Variants in ARID3A observed in about 807,000 individuals in gnomAD.
ARID3A encodes the protein AT-rich interactive domain-containing protein 3A.
Under a neutral mutation model 52.7 loss-of-function variants are expected in ARID3A, and 11 were observed. That is an observed-to-expected ratio of 0.21 (90% CI 0.13 to 0.35). ARID3A has a LOEUF of 0.35. Ranked by LOEUF, ARID3A falls within the 10% of genes least tolerant of loss-of-function variation. ARID3A has a pLI of 1.00. For missense variants in ARID3A, 721 were observed against 838.5 expected (o/e 0.86, Z 1.73); for synonymous variants, 404 against 359.4 (o/e 1.12, Z -1.40).
At chr19:934,551 C>T (rs751534710) in intron 3 of ARID3A, among the ~76,000 whole-genome samples, 15 of 152,294 alleles carry the variant, frequency 9.8e-5, no homozygotes, top group African/African-American at 1.4e-4. Flanking sequence ...ACTGTGTCAC[C>T]GGCAGCCTCA....
intron 1 of ARID3A, among the ~76,000 whole-genome samples, chr19:928,004 T>C (rs546775125): frequency 6.6e-6 from 1 of 152,066 alleles, no homozygotes; most frequent in Non-Finnish European, 1.5e-5. Context: ...TGGGGAGGCT[T>C]GGGGGTGTCT....
intron 3 of ARID3A, among the ~76,000 whole-genome samples, chr19:954,818 G>A (rs569701866): frequency 1.7e-3 from 252 of 152,016 alleles, no homozygotes; most frequent in South Asian, 6.0e-3. Context: ...GCGGCCGCTC[G>A]GGGCTGATGG....
At chr19:971,813 C>T (rs1359550988) in intron 8 of ARID3A, 65 bp from the exon 9 acceptor site, 2 of 1,524,838 alleles carry the variant, frequency 1.3e-6, no homozygotes, top group Non-Finnish European at 1.8e-6. Flanking sequence ...CATTGGGTCT[C>T]CCTTGTGGCC....
chr19:939,279 C>T (rs10402860), intron 3 of ARID3A, among the ~76,000 whole-genome samples: 18,889 of 151,918 alleles, frequency 0.12, 1,548 homozygotes, highest in East Asian at 0.45. Flanking sequence ...CCACCACACC[C>T]AGCTTATTTT....
rs35807859 is a variant in ARID3A at position 965,991 on chromosome 19, CAAAAAAAA to C, written c.1199-568_1199-561del. On this transcript the variant is annotated intron_variant, in intron 6 of 8. Coordinates refer to ENST00000263620, the MANE Select transcript of ARID3A (RefSeq NM_005224.3). Reference sequence around the variant, plus strand: ...TCAGCGACAGAGTGAGACTCCGTGTCAAAAAAAAAAAAAAAAAAAATTAGCTTAGTGTG... The same window carrying C: ...TCAGCGACAGAGTGAGACTCCGTGTCAAAAAAAAAAAATTAGCTTAGTGTG... Among the ~76,000 whole-genome samples, 6 of 106,572 alleles carry C rather than the reference CAAAAAAAA, an allele frequency of 5.6e-5. No homozygotes were observed. In the East Asian group the frequency reaches 1.4e-3, roughly 25 times the overall value. The allele number at this position is 106,572 out of a possible 152,430, so 69.9% of individuals were successfully genotyped here.
intron 3 of ARID3A, among the ~76,000 whole-genome samples, chr19:951,915 G>A (rs1172206983): frequency 6.6e-6 from 1 of 151,094 alleles, no homozygotes; most frequent in Non-Finnish European, 1.5e-5. Context: ...GCGGGAGGAT[G>A]GCCTGAGGTC....
At chr19:968,566 C>T (rs1481871545) in intron 8 of ARID3A, 63 bp downstream of exon 8, 15 of 1,490,378 alleles carry the variant, frequency 1.0e-5, no homozygotes, top group Non-Finnish European at 1.4e-5. Context: ...GAACTCAGGA[C>T]CCTGAGTTGC....
Position 971,934 on chromosome 19 carries a change from G to A in ARID3A, c.1651G>A (p.Gly551Ser). The A allele has an allele frequency of 7.1e-7, 1 of 1,401,220 alleles. No individual in the cohort carries two copies. The highest frequency in any genetic ancestry group is 1.8e-5 in the Admixed American group (1 of 55,514). 86.8% of individuals were successfully genotyped at this position (1,401,220 alleles called of 1,614,324 possible). Residue 551 changes from glycine (G) to serine (S), a missense_variant, in exon 9 of 9, where the codon GGC (glycine) becomes AGC (serine). Gly to Ser is a moderately conservative substitution (Grantham distance 56). Around this residue, in one of 5 missense-constraint regions of ARID3A, gnomAD observed 297 missense variants for 343.2 expected, o/e 0.87. Coordinates refer to ENST00000263620, the MANE Select transcript of ARID3A (RefSeq NM_005224.3). The part of the protein sequence containing the change: ...PTPTSAPNKG[G>S]GGGGGSSSNA... ...GCCAACCTCTGCTCCCAACAAAGGAGGCGGCGGCGGCGGCGGCAGCAGCAG... is the reference window on the plus strand; with the variant it reads ...GCCAACCTCTGCTCCCAACAAAGGAAGCGGCGGCGGCGGCGGCAGCAGCAG...
Position 941,121 on chromosome 19 carries a change from G to A in ARID3A, c.693+8379G>A, listed in dbSNP as rs1453647927. 1.3e-5 allele frequency among the ~76,000 whole-genome samples: 2 copies of A among 152,172 alleles called. No individual in the cohort carries two copies. Among genetic ancestry groups the A allele is most frequent in the Non-Finnish European group, 2.9e-5 (2 of 68,028 alleles). ...ACCCTGGTGGCTGCTGCCAAGCGCC[G>A]GCCCCGCCCCATGCTTTCTAATAAC... On this transcript the variant is annotated intron_variant, in intron 3 of 8. Transcript: ENST00000263620. The surrounding 1 kb of genome is among the most constrained non-coding windows in gnomAD (Gnocchi z 6.9).
rs2037633198 is a variant in ARID3A, at chr19:944,449, G to A, written c.693+11707G>A. Among the ~76,000 whole-genome samples, 1 of 152,118 alleles carries A rather than the reference G, an allele frequency of 6.6e-6. No individual in the cohort carries two copies. Among genetic ancestry groups the A allele is most frequent in the Non-Finnish European group, 1.5e-5 (1 of 68,008 alleles). On this transcript the variant is annotated intron_variant, in intron 3 of 8. Transcript: ENST00000263620. The surrounding 1 kb of genome is among the most constrained non-coding windows in gnomAD (Gnocchi z 5.9). ...ACGGCCATGGTTTGTGTCTGCCACG[G>A]CCTCAGCCCCGTTGCTTCGGTCGAT...
In ARID3A at chr19:947,351, C is replaced by T. The variant is rs938601559; in HGVS notation, c.694-12741C>T. 1.3e-5 allele frequency among the ~76,000 whole-genome samples: 2 copies of T among 152,206 alleles called. No individual in the cohort carries two copies. Among genetic ancestry groups the T allele is most frequent in the Non-Finnish European group, 2.9e-5 (2 of 68,032 alleles). ...TCGCCGCCATGGGGCTGCCTCCTGC[C>T]TCCTCTGCACCAACTTTCTGGAAGT... On this transcript the variant is annotated intron_variant, in intron 3 of 8. Coordinates refer to ENST00000263620, the MANE Select transcript of ARID3A (RefSeq NM_005224.3). The surrounding 1 kb of genome is among the most constrained non-coding windows in gnomAD (Gnocchi z 6.3).
chr19:961,009 G>A (rs1329642974), intron 4 of ARID3A, among the ~76,000 whole-genome samples: 3 of 152,148 alleles, frequency 2.0e-5, no homozygotes, highest in Non-Finnish European at 2.9e-5. Flanking sequence ...CTTCCGTCTC[G>A]CCTCCAAGTC....
At position 975,210 on chromosome 19, in the gene ARID3A, G is replaced by C. The variant is rs1163486782; in HGVS notation, c.*3145G>C. 1 of 231,914 alleles carries C rather than the reference G, an allele frequency of 4.3e-6. No individual in the cohort carries two copies. The highest frequency in any genetic ancestry group is 8.5e-6 in the Non-Finnish European group (1 of 117,304). 14.4% of individuals were successfully genotyped at this position (231,914 alleles called of 1,614,324 possible). On this transcript the variant is annotated 3_prime_UTR_variant, in exon 9 of 9. Coordinates refer to ENST00000263620, the MANE Select transcript of ARID3A (RefSeq NM_005224.3). ...CCTGGATGGGTTCTAGTTCACTTGG[G>C]ACCGTGGGGCCTGGCTGCGTACTGA...
chr19:956,855 C>G (rs548757647), intron 3 of ARID3A: 4 of 152,500 alleles, frequency 2.6e-5, no homozygotes, highest in African/African-American at 9.6e-5. Context: ...GGCCGGCCTC[C>G]CCAGCACCTG....
Position 959,997 on chromosome 19 carries a change from C to T in ARID3A, c.694-95C>T. 1 of 1,118,624 alleles carries T rather than the reference C, an allele frequency of 8.9e-7. No homozygotes were observed. Among genetic ancestry groups the T allele is most frequent in the Non-Finnish European group, 1.3e-6 (1 of 775,952 alleles). 69.3% of individuals were successfully genotyped at this position (1,118,624 alleles called of 1,614,324 possible). A position where few individuals can be genotyped will look rare whatever the true frequency, so the allele number is the denominator to read the frequency against. On this transcript the variant is annotated intron_variant, in intron 3 of 8. Transcript: ENST00000263620. The surrounding 1 kb of genome is among the most constrained non-coding windows in gnomAD (Gnocchi z 5.0). ...GGTCCTAGGGGTGGTGACCCCTGCT[C>T]CTGTCCTCCTGACCTGGCCTCCAGT...
chr19:954,537 G>A (rs998480204), intron 3 of ARID3A, among the ~76,000 whole-genome samples: 2 of 152,242 alleles, frequency 1.3e-5, no homozygotes, highest in African/African-American at 4.8e-5. Flanking sequence ...TAAGAATTCC[G>A]CATGTTCCAG....
In ARID3A at chr19:964,230, TCTCGCCC is replaced by T; in HGVS notation, c.767-15_767-9del. ...GTGCCCAGGTGGCCCCCAACCTCCC[TCTCGCCC>T]CTTCCCCCAGGGACACCTGTGAACC... On this transcript the variant is annotated splice_polypyrimidine_tract_variant and intron_variant, in intron 4 of 8. Coordinates refer to ENST00000263620, the MANE Select transcript of ARID3A (RefSeq NM_005224.3). This position sits in a 1 kb window ranked among gnomAD's most constrained non-coding sequence, Gnocchi z 5.7. The T allele has an allele frequency of 6.2e-7, 1 of 1,601,166 alleles. No individual in the cohort carries two copies. The highest frequency in any genetic ancestry group is 8.5e-7 in the Non-Finnish European group (1 of 1,171,254).
chr19:973,806 G>T lies in ARID3A; in HGVS notation c.*1741G>T, dbSNP rs573673367. 1.1e-3 allele frequency: 248 copies of T among 229,920 alleles called. 1 individual carries two copies. The highest frequency in any genetic ancestry group is 5.3e-3 in the African/African-American group (238 of 45,252). The allele number at this position is 229,920 out of a possible 1,614,324, so 14.2% of individuals were successfully genotyped here. A position where few individuals can be genotyped will look rare whatever the true frequency, so the allele number is the denominator to read the frequency against. ...GGGTCAGTACCCCTCCCCCTGGCTT[G>T]GAGAAAGTGGGGTCACCGCAGCTGA... On this transcript the variant is annotated 3_prime_UTR_variant, in exon 9 of 9. Coordinates refer to ENST00000263620, the MANE Select transcript of ARID3A (RefSeq NM_005224.3).
intron 8 of ARID3A, 63 bp downstream of exon 8, chr19:968,566 C>A: frequency 6.7e-7 from 1 of 1,490,514 alleles, no homozygotes. Flanking sequence ...GAACTCAGGA[C>A]CCTGAGTTGC....
Sources: allele counts gnomAD v4.1 joint callset (sites outside exome capture counted in the v4.1 genomes callset), GRCh38; gene constraint gnomAD v4.1.1; regional missense constraint gnomAD v4.1.1; non-coding constraint Gnocchi (gnomAD v3.1); transcripts MANE v1.5; gene names NCBI Gene and HGNC (gene_info 2026-07-23, HGNC 2026-07-21).